The following CRYBG1 variants were observed in gnomAD, a reference collection of about 807,000 sequenced individuals.
CRYBG1 encodes the protein beta/gamma crystallin domain-containing protein 1.
Under a neutral mutation model 189.2 loss-of-function variants are expected in CRYBG1, and 139 were observed. That is an observed-to-expected ratio of 0.73 (90% CI 0.64 to 0.85). The LOEUF (loss-of-function observed/expected upper bound fraction) is 0.85. Ranked by LOEUF, CRYBG1 falls within the 40% of genes least tolerant of loss-of-function variation. The pLI, the probability that CRYBG1 is intolerant of heterozygous loss-of-function variation, is 0.00. For missense variants in CRYBG1, 2,611 were observed against 2,675.8 expected (o/e 0.98, Z 0.53); for synonymous variants, 1,023 against 1,017.1 (o/e 1.01, Z -0.11).
intron 1 of CRYBG1, among the ~76,000 whole-genome samples, chr6:106,369,552 A>T (rs971564185): frequency 1.3e-5 from 2 of 152,210 alleles, no homozygotes; most frequent in Non-Finnish European, 2.9e-5. Context: ...TTTGTTTATA[A>T]GTAGTAGCAT....
Position 106,533,441 on chromosome 6 carries a change from T to C in CRYBG1, c.4718+3126T>C, listed in dbSNP as rs146063716. On this transcript the variant is annotated intron_variant, in intron 8 of 21. Coordinates refer to ENST00000633556, the MANE Select transcript of CRYBG1 (RefSeq NM_001371242.2). Reference sequence around the variant, plus strand: ...ATGGAGAATCATTGGCGAATTTTTATCTAACTTGTGTTATTAATAGAAGGA... The same window carrying C: ...ATGGAGAATCATTGGCGAATTTTTACCTAACTTGTGTTATTAATAGAAGGA... Among the ~76,000 whole-genome samples the C allele has an allele frequency of 1.5e-3, 236 of 152,336 alleles. 1 individual carries two copies. Among genetic ancestry groups the C allele is most frequent in the African/African-American group, 5.5e-3 (228 of 41,568 alleles).
At chr6:106,497,020 G>T (rs1038134675) in intron 2 of CRYBG1, among the ~76,000 whole-genome samples, 3 of 152,144 alleles carry the variant, frequency 2.0e-5, no homozygotes, top group African/African-American at 7.2e-5. Flanking sequence ...GGCATCTGAG[G>T]CTCCCGCTGC....
In CRYBG1 at chr6:106,405,283, C is replaced by T. The variant is rs181184922; in HGVS notation, c.173+44202C>T. Among the ~76,000 whole-genome samples, 514 of 152,312 alleles carry T rather than the reference C, an allele frequency of 3.4e-3. 7 individuals carry two copies. Among genetic ancestry groups the T allele is most frequent in the South Asian group, 0.016 (79 of 4,824 alleles). On this transcript the variant is annotated intron_variant, in intron 1 of 21. Coordinates refer to ENST00000633556, the MANE Select transcript of CRYBG1 (RefSeq NM_001371242.2). ...AAGCTGCTGGGAAGTTCAAACTAGGCGGAGCCCACCGCAGCTCAGCAGAGC... is the reference window on the plus strand; with the variant it reads ...AAGCTGCTGGGAAGTTCAAACTAGGTGGAGCCCACCGCAGCTCAGCAGAGC...
chr6:106,463,137 G>C (rs945006659), intron 2 of CRYBG1, among the ~76,000 whole-genome samples: 1 of 130,116 alleles, frequency 7.7e-6, no homozygotes, highest in Non-Finnish European at 1.7e-5. Context: ...CTGGGTGATA[G>C]AGAAAGACCC....
chr6:106,510,956 G>GT (rs1773245050), intron 2 of CRYBG1, among the ~76,000 whole-genome samples: 3 of 152,068 alleles, frequency 2.0e-5, no homozygotes, highest in Admixed American at 1.3e-4. Context: ...GCTAGGACTG[G>GT]TTTTTTTTCT....
intron 2 of CRYBG1, among the ~76,000 whole-genome samples, chr6:106,496,216 A>G (rs963330234): frequency 2.0e-5 from 3 of 152,248 alleles, no homozygotes. Context: ...AATCCTGTAA[A>G]CTTTTAAGAA....
intron 3 of CRYBG1, 50 bp from the exon 4 acceptor site, chr6:106,519,081 A>G (rs1411992409): frequency 7.8e-6 from 12 of 1,541,640 alleles, no homozygotes; most frequent in Non-Finnish European, 9.6e-6. Context: ...TTGTGTGTTC[A>G]CTTTTTAAAA....
At chr6:106,450,406 C>T (rs1420218761) in intron 1 of CRYBG1, among the ~76,000 whole-genome samples, 2 of 152,168 alleles carry the variant, frequency 1.3e-5, no homozygotes, top group African/African-American at 4.8e-5. Context: ...TTGCGAAATG[C>T]TGAGGTCTTG....
chr6:106,558,021 A>G (rs1446402959), intron 17 of CRYBG1, among the ~76,000 whole-genome samples: 1 of 152,172 alleles, frequency 6.6e-6, no homozygotes, highest in Non-Finnish European at 1.5e-5. Context: ...CAGAAAAAAA[A>G]AAGACATTTG....
chr6:106,506,853 C>T (rs1456137320), intron 2 of CRYBG1, among the ~76,000 whole-genome samples: 1 of 151,912 alleles, frequency 6.6e-6, no homozygotes, highest in African/African-American at 2.4e-5. Context: ...CCCATAGTTA[C>T]TATAAAAAGG....
At chr6:106,391,915 C>T (rs1770511650) in intron 1 of CRYBG1, among the ~76,000 whole-genome samples, 1 of 150,344 alleles carries the variant, frequency 6.7e-6, no homozygotes, top group Admixed American at 6.6e-5. Context: ...TTCCAAAAGC[C>T]TGTTGTTTAA....
rs1773521664 is a variant in CRYBG1 at position 106,519,236 on chromosome 6, C to T, written c.2028C>T (p.Asn676=). Residue 676 remains asparagine (N), a synonymous_variant, in exon 4 of 22, where the codon AAC becomes AAT. Transcript: ENST00000633556. ...TTAGCCAGCCAGTTCACAAAGGCAA[C>T]ACTGCCACCAAAATCTCCTTATTTG... is the stretch of plus-strand genomic sequence containing the variant. ...NPFSQPVHKG[N]TATKISLFEN... is the part of the protein sequence containing the mutation. 1 of 1,614,114 alleles carries T rather than the reference C, an allele frequency of 6.2e-7. No individual in the cohort carries two copies. The highest frequency in any genetic ancestry group is 8.5e-7 in the Non-Finnish European group (1 of 1,180,028).
chr6:106,426,863 A>G (rs1338288911), intron 1 of CRYBG1, among the ~76,000 whole-genome samples: 4 of 152,238 alleles, frequency 2.6e-5, no homozygotes, highest in Admixed American at 6.5e-5. Context: ...CATGGAAGGA[A>G]ACATCAGGTT....
intron 3 of CRYBG1, 75 bp from the exon 4 acceptor site, chr6:106,519,056 T>G (rs563640936): frequency 1.4e-6 from 2 of 1,474,752 alleles, no homozygotes; most frequent in Non-Finnish European, 1.8e-6. Context: ...TTTCATAGTT[T>G]TATAATTAAT....
chr6:106,361,969 C>CT (rs200251504), intron 1 of CRYBG1, among the ~76,000 whole-genome samples: 2,463 of 112,386 alleles, frequency 0.022, 83 homozygotes, highest in South Asian at 0.055. Context: ...TTCTTTCTTT[C>CT]TTTTTTTTTT....
chr6:106,420,089 A>G (rs1771095213), intron 1 of CRYBG1, among the ~76,000 whole-genome samples: 1 of 152,208 alleles, frequency 6.6e-6, no homozygotes, highest in South Asian at 2.1e-4. Context: ...GTAATTTTGT[A>G]CATTTTGATA....
At chr6:106,380,602 T>C (rs1770266786) in intron 1 of CRYBG1, among the ~76,000 whole-genome samples, 1 of 152,208 alleles carries the variant, frequency 6.6e-6, no homozygotes, top group South Asian at 2.1e-4. Context: ...AATAAAGAAC[T>C]AAACCAGAAA....
chr6:106,561,613 T>G, intron 20 of CRYBG1, 113 bp downstream of exon 20: 1 of 1,280,242 alleles, frequency 7.8e-7, no homozygotes, highest in East Asian at 2.3e-5. Flanking sequence ...ATTCCTGGAG[T>G]ACTTTCAGAA....
At chr6:106,436,539 C>A (rs1199929634) in intron 1 of CRYBG1, among the ~76,000 whole-genome samples, 3 of 152,072 alleles carry the variant, frequency 2.0e-5, no homozygotes, top group African/African-American at 7.2e-5. Flanking sequence ...CGTGATCCAC[C>A]CACCTTGGCC....
Sources: gnomAD v4.1 joint callset for allele counts (sites outside exome capture counted in the v4.1 genomes callset) on GRCh38, gnomAD v4.1.1 for gene constraint, MANE v1.5 for transcripts, NCBI Gene and HGNC (gene_info 2026-07-23, HGNC 2026-07-21) for gene names.